Variants in LAMA1 observed in about 807,000 individuals in gnomAD.
LAMA1 encodes the protein laminin subunit alpha-1.
A neutral mutation model predicts 348.7 loss-of-function variants in LAMA1; 219 were observed. That is an observed-to-expected ratio of 0.63 (90% confidence interval 0.56 to 0.70). The LOEUF (loss-of-function observed/expected upper bound fraction) is 0.70, where lower values mean the gene tolerates loss of function less well. Among genes scored for constraint, LAMA1 ranks in the 30% least tolerant of loss-of-function variants. LAMA1 has a pLI of 0.00. For missense variants in LAMA1, 3,744 were observed against 3,888.0 expected, an observed-to-expected ratio of 0.96 and a Z score of 0.99; for synonymous variants, 1,487 against 1,491.0, an observed-to-expected ratio of 1.00 and a Z score of 0.06.
At chr18:7,080,265 G>A (rs2058187637) in intron 2 of LAMA1, 22 bp downstream of exon 2, 1 of 1,613,762 alleles carries the variant, frequency 6.2e-7, no homozygotes, top group East Asian at 2.2e-5. Context: ...GGGAATTTCA[G>A]AAATAAAGGC....
At position 6,951,450 on chromosome 18, in the gene LAMA1, G is replaced by A. The variant is rs72887111; in HGVS notation, c.8208-479C>T. Among the ~76,000 whole-genome samples the A allele has an allele frequency of 5.4e-3, 826 of 152,342 alleles. 5 individuals are homozygous for A. The highest frequency in any genetic ancestry group is 0.021 in the Middle Eastern group (6 of 292). The stretch of plus-strand genomic sequence containing the variant: ...TACTGCAGGTGTGGAGGAAGGCTGC[G>A]CCTGGGTAGGCCCTGTCAGAGGGAC... On this transcript the variant is annotated intron_variant, in intron 57 of 62. Transcript: ENST00000389658.
At chr18:7,029,041 A>G (rs1471180787) in intron 16 of LAMA1, among the ~76,000 whole-genome samples, 1 of 152,234 alleles carries the variant, frequency 6.6e-6, no homozygotes, top group African/African-American at 2.4e-5. Context: ...CAGGTTGATG[A>G]AAGTTTTCCC....
rs1316681719 is a variant in LAMA1, at chr18:6,993,676, G to C, written c.4973C>G (p.Ala1658Gly). The change falls in exon 35 of 63, where the codon GCC becomes GGC. Residue 1658 changes from alanine (A) to glycine (G), a missense_variant. Around this residue, in one of 3 missense-constraint regions of LAMA1, gnomAD observed 1,983 missense variants for 1,934.3 expected, o/e 1.03. Coordinates refer to ENST00000389658, the MANE Select transcript of LAMA1 (RefSeq NM_005559.4). ...CATCTGCAGCCTCTCAATGGCTATG[G>C]CCAGGTCTTGACTCTCCTTGAAGAT... ...ERIFKESQDL[A>G]IAIERLQMSI... The C allele has an allele frequency of 3.7e-6, 6 of 1,613,696 alleles. No homozygotes were observed. The highest frequency in any genetic ancestry group is 5.1e-6 in the Non-Finnish European group (6 of 1,179,866).
chr18:6,979,621 C>G (rs890196063), intron 42 of LAMA1, among the ~76,000 whole-genome samples: 9 of 152,224 alleles, frequency 5.9e-5, no homozygotes, highest in Admixed American at 1.3e-4. Context: ...AACTTTAGGC[C>G]AGGCGCGGTG....
intron 3 of LAMA1, among the ~76,000 whole-genome samples, chr18:7,062,569 T>C (rs2143749344): frequency 6.6e-6 from 1 of 152,236 alleles, no homozygotes; most frequent in Middle Eastern, 3.4e-3. Flanking sequence ...CTGGAAATCA[T>C]GAGAGATGGT....
intron 47 of LAMA1, 93 bp from the exon 48 acceptor site, chr18:6,972,074 C>T: frequency 6.7e-7 from 1 of 1,485,424 alleles, no homozygotes; most frequent in South Asian, 1.1e-5. Flanking sequence ...CTGGGAGCTT[C>T]AATCTAACAG....
intron 48 of LAMA1, among the ~76,000 whole-genome samples, 156 bp from the exon 49 acceptor site, chr18:6,966,453 G>A (rs536852421): frequency 1.3e-5 from 2 of 152,138 alleles, no homozygotes; most frequent in East Asian, 3.9e-4. Context: ...AAATATGCTT[G>A]CCATGTGAAG....
intron 7 of LAMA1, 95 bp downstream of exon 7, chr18:7,044,627 G>C (rs2058034439): frequency 2.3e-5 from 23 of 983,732 alleles, no homozygotes; most frequent in Non-Finnish European, 3.5e-5. Context: ...AAGAAAACAA[G>C]TTACCTGCTA....
At chr18:6,954,949 G>A (rs1182986482) in intron 57 of LAMA1, 2 of 325,348 alleles carry the variant, frequency 6.1e-6, no homozygotes, top group Non-Finnish European at 5.9e-6. Flanking sequence ...GAGAGGGGTG[G>A]GTGTGGCACT....
At chr18:6,956,423 G>A in intron 56 of LAMA1, 1 of 744,534 alleles carries the variant, frequency 1.3e-6, no homozygotes, top group South Asian at 1.4e-5. Context: ...GGGTGTTGGG[G>A]CCTACAATCT....
intron 10 of LAMA1, 114 bp from the exon 11 acceptor site, chr18:7,039,064 T>C (rs1190373883): frequency 4.5e-6 from 4 of 879,364 alleles, no homozygotes; most frequent in Non-Finnish European, 7.7e-6. Context: ...TGAATAAACG[T>C]CCAAAGTAAA....
intron 1 of LAMA1, among the ~76,000 whole-genome samples, chr18:7,091,469 A>G (rs2058239583): frequency 6.6e-6 from 1 of 152,172 alleles, no homozygotes; most frequent in South Asian, 2.1e-4. Context: ...TACTTAAAAC[A>G]CCAGTTTTCT....
rs758429079 is a variant in LAMA1 at position 6,959,486 on chromosome 18, A to G, written c.7633T>C (p.Phe2545Leu). 8 of 1,614,166 alleles carry G rather than the reference A, an allele frequency of 5.0e-6. No homozygotes were observed. Among genetic ancestry groups the G allele is most frequent in the Non-Finnish European group, 6.8e-6 (8 of 1,180,020 alleles). ...GDREEAHVPF[F>L]SVMLIGGNIE... ...TTGCCTCCGATCAGCATGACGGAAA[A>G]GAAGGGCTGGGGAGGTTGCATAGAG... Residue 2545 changes from phenylalanine (F) to leucine (L), a missense_variant, in exon 54 of 63, where the codon TTT (phenylalanine) becomes CTT (leucine). Phe to Leu is a conservative substitution (Grantham distance 22, BLOSUM62 0). Around this residue, in one of 3 missense-constraint regions of LAMA1, gnomAD observed 1,983 missense variants for 1,934.3 expected, o/e 1.03. Coordinates refer to ENST00000389658, the MANE Select transcript of LAMA1 (RefSeq NM_005559.4).
chr18:7,059,337 A>C (rs2058094251), intron 3 of LAMA1, among the ~76,000 whole-genome samples: 3 of 152,198 alleles, frequency 2.0e-5, no homozygotes, highest in Admixed American at 2.0e-4. Context: ...CTAGACTCAG[A>C]GTCAATGTAG....
At chr18:7,008,749 G>C (rs1047526854) in intron 27 of LAMA1, 141 bp from the exon 28 acceptor site, 1 of 953,736 alleles carries the variant, frequency 1.0e-6, no homozygotes, top group African/African-American at 1.6e-5. Context: ...GTGATTGTAA[G>C]TGAAGTGTGT....
intron 3 of LAMA1, among the ~76,000 whole-genome samples, chr18:7,055,223 G>A (rs1405801805): frequency 2.6e-5 from 4 of 151,776 alleles, no homozygotes; most frequent in Non-Finnish European, 2.9e-5. Context: ...GGCCGAGGCG[G>A]GCAGATCACT....
At chr18:7,002,644 T>C (rs1003662122) in intron 29 of LAMA1, among the ~76,000 whole-genome samples, 1 of 152,152 alleles carries the variant, frequency 6.6e-6, no homozygotes, top group East Asian at 1.9e-4. Context: ...AAAATAGACA[T>C]AGGAGCCCTA....
At chr18:6,963,426 G>A (rs9947188) in intron 51 of LAMA1, among the ~76,000 whole-genome samples, 3 of 152,128 alleles carry the variant, frequency 2.0e-5, no homozygotes, top group South Asian at 2.1e-4. Flanking sequence ...GACCAACTCC[G>A]CTGAGGTTTA....
chr18:7,069,123 G>C (rs1263824362), intron 3 of LAMA1, among the ~76,000 whole-genome samples: 3 of 152,190 alleles, frequency 2.0e-5, no homozygotes, highest in African/African-American at 7.2e-5. Context: ...AAAATCTAAA[G>C]AGAACTGAGC....
Sources: gnomAD v4.1 joint callset for allele counts (sites outside exome capture counted in the v4.1 genomes callset) on GRCh38, gnomAD v4.1.1 for gene constraint, gnomAD v4.1.1 regional missense constraint, MANE v1.5 for transcripts, NCBI Gene and HGNC (gene_info 2026-07-23, HGNC 2026-07-21) for gene names.